Variants in PMPCB observed in about 807,000 individuals in gnomAD.
PMPCB encodes peptidase, mitochondrial processing subunit beta.
PMPCB carries 46 observed loss-of-function variants against 61.5 expected under a neutral mutation model. The observed-to-expected ratio is 0.75, with a 90% CI of 0.59 to 0.96. PMPCB has a LOEUF of 0.96. Ranked by LOEUF, PMPCB falls within the 40% of genes least tolerant of loss-of-function variation. The pLI, the probability that PMPCB is intolerant of heterozygous loss-of-function variation, is 0.00. For synonymous variants in PMPCB, 191 were observed against 201.6 expected, an observed-to-expected ratio of 0.95 and a Z score of 0.44; for missense variants, 590 against 602.4, an observed-to-expected ratio of 0.98 and a Z score of 0.22.
intron 12 of PMPCB, chr7:103,327,296 A>G: frequency 8.4e-7 from 1 of 1,194,312 alleles, no homozygotes; most frequent in Non-Finnish European, 1.1e-6. Context: ...AAAAAAAAAA[A>G]ATCTTAGTAT....
At chr7:103,315,764 C>G (rs373180777), downstream of PMPCB, 5 of 1,612,268 alleles carry the variant, frequency 3.1e-6, no homozygotes, top group African/African-American at 6.7e-5. Context: ...CAAAATTTAC[C>G]TTCAAATCGT....
intron 4 of PMPCB, among the ~76,000 whole-genome samples, chr7:103,302,986 C>G (rs1817487957): frequency 6.6e-6 from 1 of 152,018 alleles, no homozygotes; most frequent in African/African-American, 2.4e-5. Context: ...AAGAATGAAG[C>G]ACAGTTTTTT....
At position 103,314,331 on chromosome 7, in the gene PMPCB, AAT is replaced by A; in HGVS notation, c.*2061_*2062del. On this transcript the variant is annotated 3_prime_UTR_variant, in exon 13 of 13. Coordinates refer to ENST00000249269, the MANE Select transcript of PMPCB (RefSeq NM_004279.3). ...TCCTATGAGAAATCACTATTCAAAA[AAT>A]GGTGCCAGCTTGCTGTTTAATGGTA... The A allele has an allele frequency of 1.0e-6, 1 of 985,432 alleles. No homozygotes were observed. The highest frequency in any genetic ancestry group is 4.7e-5 in the South Asian group (1 of 21,288). 61.0% of individuals were successfully genotyped at this position (985,432 alleles called of 1,614,324 possible).
At chr7:103,345,259 T>C in the PMPCB span, 2 of 152,626 alleles carry the variant, frequency 1.3e-5, no homozygotes, top group African/African-American at 4.8e-5. Flanking sequence ...AAGAAACCTC[T>C]CTCTAGTGTG....
chr7:103,345,607 T>TTATA, the PMPCB span, among the ~76,000 whole-genome samples: 15 of 148,524 alleles, frequency 1.0e-4, no homozygotes, highest in African/African-American at 1.7e-4. Context: ...TTTAAATATA[T>TTATA]TATATATATA....
At chr7:103,330,944 A>G (rs1818944816), downstream of PMPCB, among the ~76,000 whole-genome samples, 1 of 151,494 alleles carries the variant, frequency 6.6e-6, no homozygotes, top group South Asian at 2.1e-4. Flanking sequence ...TATTTTGTTC[A>G]TAATACATGA....
downstream of PMPCB, among the ~76,000 whole-genome samples, chr7:103,330,922 G>A (rs1818942736): frequency 2.0e-5 from 3 of 151,594 alleles, no homozygotes; most frequent in Admixed American, 1.3e-4. Flanking sequence ...ACACTTATGG[G>A]GTGCATGTGA....
At chr7:103,314,879 T>TA (rs1467901906), downstream of PMPCB, among the ~76,000 whole-genome samples, 2 of 152,210 alleles carry the variant, frequency 1.3e-5, no homozygotes, top group Non-Finnish European at 2.9e-5. Context: ...TTTCTGCGAT[T>TA]AGTTTAAGAA....
At chr7:103,344,384 A>T in the PMPCB span, 1 of 654,392 alleles carries the variant, frequency 1.5e-6, no homozygotes, top group African/African-American at 1.8e-5. Flanking sequence ...CCTTCCTTCT[A>T]ATCTAGGGTA....
Position 103,310,301 on chromosome 7 carries a change from T to G in PMPCB, c.994-14T>G. ...TATAATTAAAATTCTCTTGGAATTTTTTTTTCCTTGCAGAATTTATCTAGC... is the reference window on the plus strand; with the variant it reads ...TATAATTAAAATTCTCTTGGAATTTGTTTTTCCTTGCAGAATTTATCTAGC... On this transcript the variant is annotated splice_polypyrimidine_tract_variant and intron_variant, in intron 8 of 12. Coordinates refer to ENST00000249269, the MANE Select transcript of PMPCB (RefSeq NM_004279.3). The G allele has an allele frequency of 6.2e-7, 1 of 1,606,876 alleles. No homozygotes were observed. Among genetic ancestry groups the G allele is most frequent in the Non-Finnish European group, 8.5e-7 (1 of 1,176,362 alleles).
downstream of PMPCB, among the ~76,000 whole-genome samples, chr7:103,331,493 T>G (rs1396006484): frequency 6.6e-6 from 1 of 152,156 alleles, no homozygotes; most frequent in Non-Finnish European, 1.5e-5. Context: ...TTGACCAACC[T>G]CTCTTTATCC....
the PMPCB span, among the ~76,000 whole-genome samples, chr7:103,334,936 C>T: frequency 1.1e-4 from 17 of 152,212 alleles, no homozygotes; most frequent in South Asian, 2.1e-4. Context: ...CAGTTTCAAG[C>T]GGTTCTCGTG....
Position 103,311,729 on chromosome 7 carries a change from G to T in PMPCB, c.1240+1G>T. 1 of 1,612,808 alleles carries T rather than the reference G, an allele frequency of 6.2e-7. No homozygotes were observed. Among genetic ancestry groups the T allele is most frequent in the South Asian group, 1.1e-5 (1 of 91,032 alleles). On this transcript the variant is annotated splice_donor_variant, in intron 10 of 12. Transcript: ENST00000249269. LOFTEE classifies it high-confidence loss of function. ...ACAAACATGTTGTTGCAGCTTGATGGTAAAAATAAAGATATAGGTTCTGTT... is the reference window on the plus strand; with the variant it reads ...ACAAACATGTTGTTGCAGCTTGATGTTAAAAATAAAGATATAGGTTCTGTT...
chr7:103,319,534 T>C (rs1379447733), downstream of PMPCB: 19 of 1,346,128 alleles, frequency 1.4e-5, no homozygotes, highest in East Asian at 2.3e-5. Context: ...TGGTGACTTA[T>C]ATATTAGGTG....
chr7:103,307,742 T>C, intron 7 of PMPCB, 34 bp downstream of exon 7: 2 of 1,153,992 alleles, frequency 1.7e-6, no homozygotes, highest in African/African-American at 3.0e-5. Context: ...ATTTAGCCTT[T>C]TGGATTCCTT....
At chr7:103,330,640 C>G (rs1268928336), downstream of PMPCB, among the ~76,000 whole-genome samples, 3 of 151,848 alleles carry the variant, frequency 2.0e-5, no homozygotes, top group Non-Finnish European at 4.4e-5. Context: ...TTAGTAGAGA[C>G]AGGGTTTCAC....
the PMPCB span, among the ~76,000 whole-genome samples, chr7:103,334,598 G>A: frequency 6.7e-6 from 1 of 148,562 alleles, no homozygotes; most frequent in African/African-American, 2.5e-5. Flanking sequence ...AAGAAATCTT[G>A]AAAAAAAATT....
chr7:103,320,376 G>A (rs1257871411), intron 12 of PMPCB, among the ~76,000 whole-genome samples: 2 of 151,916 alleles, frequency 1.3e-5, no homozygotes, highest in Non-Finnish European at 2.9e-5. Context: ...GTGAGCCACC[G>A]CGCCCGGCTG....
intron 8 of PMPCB, 188 bp downstream of exon 8, chr7:103,309,283 C>T: frequency 4.5e-6 from 2 of 449,368 alleles, no homozygotes; most frequent in Non-Finnish European, 7.5e-6. Context: ...TTTTCTTTGC[C>T]ACAAAGTTTA....
Sources: gnomAD v4.1 joint callset for allele counts (sites outside exome capture counted in the v4.1 genomes callset) on GRCh38, gnomAD v4.1.1 for gene constraint, MANE v1.5 for transcripts, NCBI Gene and HGNC (gene_info 2026-07-23, HGNC 2026-07-21) for gene names.